The following SPAG1 variants were observed in gnomAD, a reference collection of about 807,000 sequenced individuals.
SPAG1 encodes sperm associated antigen 1.
SPAG1 carries 69 observed loss-of-function variants against 100.5 expected under a neutral mutation model. The ratio of observed to expected loss-of-function variants is 0.69; its 90% CI spans 0.57 to 0.84. The LOEUF (loss-of-function observed/expected upper bound fraction) is 0.84. Ranked by LOEUF, SPAG1 falls within the 40% of genes least tolerant of loss-of-function variation. The pLI is 0.00. For missense variants in SPAG1, 955 were observed against 1,133.1 expected, an observed-to-expected ratio of 0.84 and a Z score of 2.26; for synonymous variants, 336 against 411.6, an observed-to-expected ratio of 0.82 and a Z score of 2.22.
rs1818446819 is a variant in SPAG1, at chr8:100,225,090, T to G, written c.1689-83T>G. 3 of 1,134,590 alleles carry G rather than the reference T, an allele frequency of 2.6e-6. No individual in the cohort carries two copies. The Admixed American group carries it at 6.2e-5, about 24-fold the overall frequency. The allele number at this position is 1,134,590 out of a possible 1,614,324, so 70.3% of individuals were successfully genotyped here. A position where few individuals can be genotyped will look rare whatever the true frequency, so the allele number is the denominator to read the frequency against. The stretch of plus-strand genomic sequence containing the variant: ...AGGAAGTACACATTTGCATAGCATT[T>G]GCAAATTTTATTCTTAATCTGACCT... On this transcript the variant is annotated intron_variant, in intron 13 of 18. Transcript: ENST00000388798.
rs909523206 is a variant in SPAG1, at chr8:100,240,507, T to C, written c.2385T>C (p.Pro795=). ...GGKSSRSPED[P]EKLPIAKPNN... ...AAAGCAGCAGGTCACCAGAAGACCCTGAGAAACTTCCGATAGCCAAGCCTA... is the reference window on the plus strand; with the variant it reads ...AAAGCAGCAGGTCACCAGAAGACCCCGAGAAACTTCCGATAGCCAAGCCTA... The change falls in exon 18 of 19, where the codon CCT becomes CCC. Residue 795 remains proline, a synonymous_variant. Coordinates refer to ENST00000388798, the MANE Select transcript of SPAG1 (RefSeq NM_003114.5). The C allele has an allele frequency of 3.0e-5, 49 of 1,614,026 alleles. No individual in the cohort carries two copies. Among genetic ancestry groups the C allele is most frequent in the Non-Finnish European group, 4.0e-5 (47 of 1,180,020 alleles).
At chr8:100,190,036 C>G (rs946656951) in intron 8 of SPAG1, among the ~76,000 whole-genome samples, 1 of 151,966 alleles carries the variant, frequency 6.6e-6, no homozygotes, top group Non-Finnish European at 1.5e-5. Flanking sequence ...TTCAGGCAGG[C>G]GCGGTGGCTC....
intron 8 of SPAG1, 42 bp from the exon 9 acceptor site, chr8:100,191,348 C>A: frequency 7.5e-7 from 1 of 1,334,766 alleles, no homozygotes; most frequent in Non-Finnish European, 1.1e-6. Context: ...ACCATAATGC[C>A]ACATATTAAA....
At position 100,213,353 on chromosome 8, in the gene SPAG1, G is replaced by T; in HGVS notation, c.1360G>T (p.Glu454Ter). ...TGCCGGCCTGAAGAGCCAGGGCAAC[G>T]AGCTGTTCCGAAGCGGGCAGTTCGC... ...NPAGLKSQGNELFRSGQFAEA... is the reference protein window; with the variant it reads ...NPAGLKSQGN Residue 454 changes from glutamate to a stop codon, truncating the protein, a stop_gained, in exon 11 of 19, where the codon GAG (glutamate) becomes TAG (stop). Coordinates refer to ENST00000388798, the MANE Select transcript of SPAG1 (RefSeq NM_003114.5). LOFTEE classifies it high-confidence loss of function. The T allele has an allele frequency of 7.0e-7, 1 of 1,423,656 alleles. No homozygotes were observed. The highest frequency in any genetic ancestry group is 1.4e-5 in the South Asian group (1 of 69,558). The allele number at this position is 1,423,656 out of a possible 1,614,324, so 88.2% of individuals were successfully genotyped here.
chr8:100,190,909 A>T (rs1245615353), intron 8 of SPAG1, among the ~76,000 whole-genome samples: 1 of 151,892 alleles, frequency 6.6e-6, no homozygotes, highest in African/African-American at 2.4e-5. Context: ...GCCTCAAGTG[A>T]TCTGCCCACC....
chr8:100,178,265 G>T (rs1451684725), intron 4 of SPAG1, among the ~76,000 whole-genome samples: 1 of 151,272 alleles, frequency 6.6e-6, no homozygotes, highest in African/African-American at 2.4e-5. Context: ...GATTCAGTGT[G>T]TGAAAATTTC....
intron 16 of SPAG1, among the ~76,000 whole-genome samples, chr8:100,235,531 C>A (rs1818965023): frequency 6.6e-6 from 1 of 151,902 alleles, no homozygotes; most frequent in African/African-American, 2.4e-5. Flanking sequence ...AGGAGCGGGG[C>A]AGTTTGGGAG....
chr8:100,215,820 G>A (rs551763416), intron 12 of SPAG1, among the ~76,000 whole-genome samples: 4 of 152,332 alleles, frequency 2.6e-5, no homozygotes, highest in East Asian at 3.9e-4. Context: ...CACCGCGCCC[G>A]GCCCAGTTTA....
intron 17 of SPAG1, among the ~76,000 whole-genome samples, chr8:100,240,127 T>C (rs748096371): frequency 1.3e-5 from 2 of 152,180 alleles, no homozygotes; most frequent in Non-Finnish European, 2.9e-5. Context: ...GGAGATAAAA[T>C]TGACATAGGC....
rs959434507 is a variant in SPAG1 at position 100,239,750 on chromosome 8, T to C, written c.2280+346T>C. 2.0e-5 allele frequency among the ~76,000 whole-genome samples: 3 copies of C among 152,206 alleles called. No homozygotes were observed. The highest frequency in any genetic ancestry group is 7.2e-5 in the African/African-American group (3 of 41,446). On this transcript the variant is annotated intron_variant, in intron 17 of 18. Transcript: ENST00000388798. This position sits in a 1 kb window ranked among gnomAD's most constrained non-coding sequence, Gnocchi z 5.0. ...AGAATCCTGACGGGACTGATTTTGT[T>C]ACAGGGGCCCTGAAAGCCTCACCTC...
chr8:100,240,726 G>A lies in SPAG1; in HGVS notation c.2604G>A (p.Leu868=), dbSNP rs746158606. ...ATCTTATTGAAAAAGATCCCTCATT[G>A]GTGTATCAGCATCTTTTATACCTGA... is the stretch of plus-strand genomic sequence containing the variant. ...KNNLIEKDPS[L]VYQHLLYLSK... Residue 868 remains leucine, a synonymous_variant, in exon 18 of 19, where the codon TTG becomes TTA. Transcript: ENST00000388798. The A allele has an allele frequency of 9.3e-6, 15 of 1,612,590 alleles. No individual in the cohort carries two copies. The Admixed American group carries it at 2.2e-4, about 23-fold the overall frequency.
chr8:100,213,381 A>AGGCGGCCGGCAAGTACTC lies in SPAG1; in HGVS notation c.1395_1412dup (p.Gly466_Ala471dup), dbSNP rs1563800825. 2.2e-5 allele frequency: 32 copies of AGGCGGCCGGCAAGTACTC among 1,451,276 alleles called. No individual in the cohort carries two copies. The highest frequency in any genetic ancestry group is 2.7e-5 in the Non-Finnish European group (30 of 1,100,476). 89.9% of individuals were successfully genotyped at this position (1,451,276 alleles called of 1,614,324 possible). A position where few individuals can be genotyped will look rare whatever the true frequency, so the allele number is the denominator to read the frequency against. ...CTGTTCCGAAGCGGGCAGTTCGCCGAGGCGGCCGGCAAGTACTCGGCGGCA... is the reference window on the plus strand; with the variant it reads ...CTGTTCCGAAGCGGGCAGTTCGCCGAGGCGGCCGGCAAGTACTCGGCGGCCGGCAAGTACTCGGCGGCA... On this transcript the variant is annotated inframe_insertion, in exon 11 of 19. Transcript: ENST00000388798.
chr8:100,176,838 C>CCTCTCCTCTCCTCTT (rs1315974795), intron 3 of SPAG1, among the ~76,000 whole-genome samples: 1 of 137,378 alleles, frequency 7.3e-6, no homozygotes, highest in East Asian at 2.1e-4. Context: ...CCTCTCCTCT[C>CCTCTCCTCTCCTCTT]CTCTTCTCTC....
At chr8:100,185,310 C>T (rs767329428) in intron 7 of SPAG1, 1 of 152,168 alleles carries the variant, frequency 6.6e-6, no homozygotes, top group Non-Finnish European at 1.5e-5. Flanking sequence ...CTGATTTATC[C>T]TTCAGATCTT....
At chr8:100,214,193 T>A (rs1817868351) in intron 12 of SPAG1, among the ~76,000 whole-genome samples, 1 of 152,224 alleles carries the variant, frequency 6.6e-6, no homozygotes. Flanking sequence ...GATAACTAAT[T>A]CCAATCCACT....
intron 14 of SPAG1, among the ~76,000 whole-genome samples, chr8:100,229,049 G>C (rs1236873610): frequency 1.3e-5 from 2 of 152,166 alleles, no homozygotes; most frequent in African/African-American, 4.8e-5. Flanking sequence ...GCAGTTTTAG[G>C]CTTTACATCT....
chr8:100,222,224 T>C (rs1818315361), intron 13 of SPAG1, among the ~76,000 whole-genome samples: 1 of 152,190 alleles, frequency 6.6e-6, no homozygotes, highest in Non-Finnish European at 1.5e-5. Flanking sequence ...ACTGTCTCCC[T>C]ACCCCATAGG....
In SPAG1 at chr8:100,170,432, G is replaced by A. The variant is rs117614851; in HGVS notation, c.300+4459G>A. On this transcript the variant is annotated intron_variant, in intron 3 of 18. Transcript: ENST00000388798. ...TATCTTAACCAGTTTTGAGTGTACA[G>A]TTCAGTAGTGTTAAGCATATTCACA... Among the ~76,000 whole-genome samples the A allele has an allele frequency of 8.8e-3, 1,339 of 152,114 alleles. 13 individuals carry two copies. The highest frequency in any genetic ancestry group is 0.014 in the Non-Finnish European group (935 of 67,996).
intron 8 of SPAG1, among the ~76,000 whole-genome samples, chr8:100,190,564 CT>C (rs1816769562): frequency 6.6e-6 from 1 of 151,942 alleles, no homozygotes; most frequent in Non-Finnish European, 1.5e-5. Flanking sequence ...GTTCCCTATG[CT>C]AAGTCACTCC....
Sources: gnomAD v4.1 joint callset for allele counts (sites outside exome capture counted in the v4.1 genomes callset) on GRCh38, gnomAD v4.1.1 for gene constraint, Gnocchi (gnomAD v3.1) non-coding constraint, MANE v1.5 for transcripts, NCBI Gene and HGNC (gene_info 2026-07-23, HGNC 2026-07-21) for gene names.